The following EHBP1 variants were observed in gnomAD, a reference collection of about 807,000 sequenced individuals.
EHBP1 encodes the protein EH domain-binding protein 1.
EHBP1 carries 55 observed loss-of-function variants against 144.0 expected under a neutral mutation model. The observed-to-expected ratio is 0.38, with a 90% CI of 0.31 to 0.48. The LOEUF is 0.48. Ranked by LOEUF, EHBP1 falls within the 20% of genes least tolerant of loss-of-function variation. The pLI is 0.98. For synonymous variants in EHBP1, 469 were observed against 472.7 expected, an observed-to-expected ratio of 0.99 and a Z score of 0.10; for missense variants, 1,200 against 1,364.2, an observed-to-expected ratio of 0.88 and a Z score of 1.90.
At chr2:62,718,081 T>C (rs1424163340) in intron 2 of EHBP1, among the ~76,000 whole-genome samples, 1 of 152,234 alleles carries the variant, frequency 6.6e-6, no homozygotes, top group African/African-American at 2.4e-5. Flanking sequence ...AAATAAAATA[T>C]GACATTAGAT....
Position 62,713,445 on chromosome 2 carries a change from T to C in EHBP1, c.104+6150T>C, listed in dbSNP as rs866018991. Among the ~76,000 whole-genome samples, 3 of 152,206 alleles carry C rather than the reference T, an allele frequency of 2.0e-5. No individual in the cohort carries two copies. The South Asian group carries it at 6.2e-4, about 31-fold the overall frequency. On this transcript the variant is annotated intron_variant, in intron 2 of 22. Coordinates refer to ENST00000431489, the MANE Select transcript of EHBP1 (RefSeq NM_001142616.3). ...TTTTAGTAGAGACAGGGTTTTGCTA[T>C]GTTGGCCAGGCTGGTCTCGAACTCC...
intron 5 of EHBP1, among the ~76,000 whole-genome samples, chr2:62,815,632 T>A (rs2045381795): frequency 6.6e-6 from 1 of 152,212 alleles, no homozygotes; most frequent in Non-Finnish European, 1.5e-5. Context: ...TATTCACCCT[T>A]GGGTATTTGG....
chr2:62,852,969 G>A (rs899544542), intron 7 of EHBP1, among the ~76,000 whole-genome samples: 12 of 152,064 alleles, frequency 7.9e-5, no homozygotes, highest in African/African-American at 2.7e-4. Context: ...AGTTCAATTG[G>A]TATTAATTGC....
chr2:62,674,284 G>A (rs897132533), intron 1 of EHBP1, among the ~76,000 whole-genome samples: 19 of 152,218 alleles, frequency 1.2e-4, no homozygotes, highest in South Asian at 8.3e-4. Context: ...AATTTAGCAC[G>A]TAACTAGAGT....
At chr2:62,939,218 G>T (rs957393298) in intron 10 of EHBP1, among the ~76,000 whole-genome samples, 2 of 152,188 alleles carry the variant, frequency 1.3e-5, no homozygotes, top group African/African-American at 4.8e-5. Flanking sequence ...GTAGAGCAGG[G>T]TAAGTGGATT....
intron 1 of EHBP1, among the ~76,000 whole-genome samples, chr2:62,683,841 C>T (rs900808424): frequency 6.6e-6 from 1 of 152,012 alleles, no homozygotes; most frequent in African/African-American, 2.4e-5. Context: ...ACTGCTAGAG[C>T]CCACAGACCC....
intron 2 of EHBP1, among the ~76,000 whole-genome samples, chr2:62,728,737 A>T (rs1277752797): frequency 1.3e-5 from 2 of 151,272 alleles, no homozygotes; most frequent in African/African-American, 4.9e-5. Context: ...ATTTTCATAA[A>T]ATGTAGTGTG....
intron 1 of EHBP1, among the ~76,000 whole-genome samples, chr2:62,686,919 ACAT>A (rs2033738656): frequency 6.6e-6 from 1 of 152,210 alleles, no homozygotes; most frequent in Non-Finnish European, 1.5e-5. Flanking sequence ...TAGGTACTTT[ACAT>A]AAGTTACATC....
intron 20 of EHBP1, among the ~76,000 whole-genome samples, chr2:63,038,303 T>A (rs2061527550): frequency 6.6e-6 from 1 of 152,086 alleles, no homozygotes; most frequent in African/African-American, 2.4e-5. Context: ...CTGAACTTGA[T>A]AAAAGAGTTA....
intron 2 of EHBP1, among the ~76,000 whole-genome samples, chr2:62,729,298 TTTTATAATATAATATAATA>T (rs1283481942): frequency 3.6e-4 from 48 of 132,690 alleles, no homozygotes; most frequent in Non-Finnish European, 3.1e-4. Context: ...ACATATAATA[TTTTATAATATAATATAATA>T]TTTATAATAT....
At chr2:62,798,779 C>T (rs1388702467) in intron 5 of EHBP1, among the ~76,000 whole-genome samples, 2 of 151,526 alleles carry the variant, frequency 1.3e-5, no homozygotes, top group African/African-American at 2.4e-5. Context: ...CCGAGGTGGG[C>T]GGATCGCGAG....
chr2:62,689,092 C>A (rs982819413), intron 1 of EHBP1, among the ~76,000 whole-genome samples: 1 of 152,160 alleles, frequency 6.6e-6, no homozygotes, highest in Non-Finnish European at 1.5e-5. Context: ...TAAGCCAGCA[C>A]AAATATTTTA....
chr2:62,724,075 T>G (rs1038571117), intron 2 of EHBP1, among the ~76,000 whole-genome samples: 1 of 152,208 alleles, frequency 6.6e-6, no homozygotes, highest in African/African-American at 2.4e-5. Flanking sequence ...TTTTCCGAGT[T>G]GCTTACACTC....
chr2:62,883,073 GT>G (rs933326419), intron 10 of EHBP1, among the ~76,000 whole-genome samples: 1 of 151,552 alleles, frequency 6.6e-6, no homozygotes, highest in Non-Finnish European at 1.5e-5. Context: ...CATTATCTCT[GT>G]TTTACATATG....
chr2:63,000,139 G>A (rs2059790422), intron 19 of EHBP1, among the ~76,000 whole-genome samples: 1 of 152,116 alleles, frequency 6.6e-6, no homozygotes, highest in Non-Finnish European at 1.5e-5. Context: ...CAGATTGCTG[G>A]GCATTTCTCC....
chr2:62,948,698 C>G lies in EHBP1; in HGVS notation c.1852C>G (p.Pro618Ala). The G allele has an allele frequency of 6.2e-7, 1 of 1,614,004 alleles. No individual in the cohort carries two copies. ...TCGCAGGACTAAAAGTGACACAGAA[C>G]CCCAGAAGTCTCAGCAGAGCTCTGG... ...YCRRTKSDTE[P>A]QKSQQSSGRT... The change falls in exon 13 of 23, where the codon CCC becomes GCC. Residue 618 changes from proline (P) to alanine (A), a missense_variant. Coordinates refer to ENST00000431489, the MANE Select transcript of EHBP1 (RefSeq NM_001142616.3).
chr2:63,042,308 A>G (rs989951567), intron 21 of EHBP1, among the ~76,000 whole-genome samples: 33 of 152,132 alleles, frequency 2.2e-4, no homozygotes, highest in Non-Finnish European at 2.9e-5. Flanking sequence ...ATATATATGT[A>G]TATGTATACA....
intron 4 of EHBP1, among the ~76,000 whole-genome samples, chr2:62,765,540 C>G (rs2041110612): frequency 6.6e-6 from 1 of 152,088 alleles, no homozygotes; most frequent in South Asian, 2.1e-4. Flanking sequence ...AAAAGTCAGA[C>G]AGACCTGGAA....
Position 62,948,988 on chromosome 2 carries a change from A to G in EHBP1, c.2142A>G (p.Pro714=), listed in dbSNP as rs374249284. ...NSRSLECRSD[P]ESPIKKTSLS... ...GATCCTTAGAATGCAGATCAGATCC[A>G]GAATCTCCTATCAAAAAAACAAGTT... is the stretch of plus-strand genomic sequence containing the variant. Residue 714 remains proline, a synonymous_variant, in exon 13 of 23, where the codon CCA becomes CCG. Coordinates refer to ENST00000431489, the MANE Select transcript of EHBP1 (RefSeq NM_001142616.3). 1.1e-5 allele frequency: 17 copies of G among 1,613,914 alleles called. No individual in the cohort carries two copies.
Sources: allele counts gnomAD v4.1 joint callset (sites outside exome capture counted in the v4.1 genomes callset), GRCh38; gene constraint gnomAD v4.1.1; transcripts MANE v1.5; gene names NCBI Gene and HGNC (gene_info 2026-07-23, HGNC 2026-07-21).